NAALAD2: variants seen among roughly 807,000 people sequenced by gnomAD.
The protein encoded by NAALAD2 is N-acetylated-alpha-linked acidic dipeptidase 2.
NAALAD2 carries 89 observed loss-of-function variants against 95.6 expected under a neutral mutation model. That is an observed-to-expected ratio of 0.93 (90% confidence interval 0.78 to 1.11). The LOEUF is 1.11. NAALAD2 is among the 50% of genes least tolerant of loss of function. The pLI, the probability that NAALAD2 is intolerant of heterozygous loss-of-function variation, is 0.00. For synonymous variants in NAALAD2, 264 were observed against 294.4 expected, an observed-to-expected ratio of 0.90 and a Z score of 1.06; for missense variants, 894 against 872.4, an observed-to-expected ratio of 1.02 and a Z score of -0.31.
chr11:90,178,468 G>A (rs1310373334), intron 16 of NAALAD2, among the ~76,000 whole-genome samples: 2 of 152,006 alleles, frequency 1.3e-5, no homozygotes, highest in Non-Finnish European at 2.9e-5. Context: ...TCAGGAGATC[G>A]AGACCATTCT....
At chr11:90,162,222 G>GT (rs1177403862) in intron 8 of NAALAD2, among the ~76,000 whole-genome samples, 2 of 152,066 alleles carry the variant, frequency 1.3e-5, no homozygotes, top group Non-Finnish European at 2.9e-5. Context: ...GTGATACTTT[G>GT]TTTTTTCTGT....
chr11:90,134,845 G>A lies in NAALAD2; in HGVS notation c.82+5G>A, dbSNP rs868735465. The A allele has an allele frequency of 2.5e-6, 4 of 1,613,950 alleles. No individual in the cohort carries two copies. Among genetic ancestry groups the A allele is most frequent in the Middle Eastern group, 1.7e-4 (1 of 6,058 alleles). ...TCCTGATGGGATTTATGGTGGGTAA[G>A]TGAACAAAACACTCTACCCCGACTC... is the stretch of plus-strand genomic sequence containing the variant. On this transcript the variant is annotated splice_donor_5th_base_variant and intron_variant, in intron 1 of 18. Transcript: ENST00000534061.
At chr11:90,165,206 C>T (rs1952406269) in intron 11 of NAALAD2, among the ~76,000 whole-genome samples, 1 of 152,146 alleles carries the variant, frequency 6.6e-6, no homozygotes, top group Non-Finnish European at 1.5e-5. Context: ...ACATTTTCTT[C>T]ATCAAGTCTG....
chr11:90,181,872 T>C (rs1456959101), intron 17 of NAALAD2, among the ~76,000 whole-genome samples, 171 bp downstream of exon 17: 1 of 151,952 alleles, frequency 6.6e-6, no homozygotes, highest in Admixed American at 6.6e-5. Context: ...AGGCAAAATA[T>C]CAGACACCAA....
rs534407233 is a variant in NAALAD2, at chr11:90,158,723, C to T, written c.890+485C>T. ...ATCATATGAGTAAAATACATAGCACCGTATTTAGAATATAGTAAACAAACA... is the reference window on the plus strand; with the variant it reads ...ATCATATGAGTAAAATACATAGCACTGTATTTAGAATATAGTAAACAAACA... On this transcript the variant is annotated intron_variant, in intron 7 of 18. Transcript: ENST00000534061. The T allele has an allele frequency of 2.4e-5, 4 of 169,848 alleles. No individual in the cohort carries two copies. In the East Asian group the frequency reaches 5.4e-4, roughly 23 times the overall value. The allele number at this position is 169,848 out of a possible 1,614,324, so 10.5% of individuals were successfully genotyped here.
Position 90,178,060 on chromosome 11 carries a change from A to T in NAALAD2, c.1801A>T (p.Ile601Phe). 1 of 1,613,714 alleles carries T rather than the reference A, an allele frequency of 6.2e-7. No individual in the cohort carries two copies. The highest frequency in any genetic ancestry group is 8.5e-7 in the Non-Finnish European group (1 of 1,179,842). The change falls in exon 16 of 19, where the codon ATC becomes TTC. Residue 601 changes from isoleucine (I) to phenylalanine (F), a missense_variant. Coordinates refer to ENST00000534061, the MANE Select transcript of NAALAD2 (RefSeq NM_005467.4). The stretch of plus-strand genomic sequence containing the variant: ...AGCTTTGAAAAACTATGCAGCAAGT[A>T]TCTATAATCTATCTAAGAAACATGA... ...AEALKNYAAS[I>F]YNLSKKHDQQ...
At chr11:90,149,338 C>G (rs1387586979) in intron 4 of NAALAD2, among the ~76,000 whole-genome samples, 2 of 152,178 alleles carry the variant, frequency 1.3e-5, no homozygotes, top group African/African-American at 4.8e-5. Flanking sequence ...AAAACTGACC[C>G]TGCTGAAGCA....
In NAALAD2 at chr11:90,189,787, T is replaced by C. The variant is rs1382684028; in HGVS notation, c.2034-1771T>C. Among the ~76,000 whole-genome samples the C allele has an allele frequency of 4.0e-5, 6 of 151,576 alleles. No individual in the cohort carries two copies. In the South Asian group the frequency reaches 1.3e-3, roughly 32 times the overall value. ...TCTATCTCAAAAAAAAAAAAGAAAT[T>C]TTGCATTATCACAACTCATCAGTGA... On this transcript the variant is annotated intron_variant, in intron 18 of 18. Coordinates refer to ENST00000534061, the MANE Select transcript of NAALAD2 (RefSeq NM_005467.4).
chr11:90,158,995 G>C (rs1327628006), intron 7 of NAALAD2: 2 of 414,174 alleles, frequency 4.8e-6, no homozygotes, highest in East Asian at 1.0e-4. Flanking sequence ...CATTTGCCAT[G>C]ACTACTTTAT....
chr11:90,150,737 CA>C, intron 5 of NAALAD2, 130 bp downstream of exon 5: 1 of 698,154 alleles, frequency 1.4e-6, no homozygotes, highest in Non-Finnish European at 2.0e-6. Context: ...TCCTATTTGC[CA>C]TGGGTACACG....
intron 2 of NAALAD2, among the ~76,000 whole-genome samples, chr11:90,138,725 C>CTTTTTTTTTTTTTTT (rs562496549): frequency 6.5e-5 from 4 of 61,530 alleles, no homozygotes; most frequent in East Asian, 5.1e-4. Flanking sequence ...CATCCCTCAA[C>CTTTTTTTTTTTTTTT]TTTTTTTTTT....
rs187496067 is a variant in NAALAD2 at position 90,179,449 on chromosome 11, T to C, written c.1858+1332T>C. Among the ~76,000 whole-genome samples, 312 of 152,212 alleles carry C rather than the reference T, an allele frequency of 2.0e-3. 3 individuals are homozygous for C. The highest frequency in any genetic ancestry group is 6.9e-3 in the African/African-American group (288 of 41,536). On this transcript the variant is annotated intron_variant, in intron 16 of 18. Coordinates refer to ENST00000534061, the MANE Select transcript of NAALAD2 (RefSeq NM_005467.4). Reference sequence around the variant, plus strand: ...ACAGAAAATGGGTATGGAATAGTAATGACTTCTGAATATTATTATATAAAG... The same window carrying C: ...ACAGAAAATGGGTATGGAATAGTAACGACTTCTGAATATTATTATATAAAG...
In NAALAD2 at chr11:90,165,447, G is replaced by A. The variant is rs147697129; in HGVS notation, c.1278+1830G>A. ...TTATAAGTCCAGATTTTATAGAGCT[G>A]TTTTAAAATATGGCAAACCTGTCTT... On this transcript the variant is annotated intron_variant, in intron 11 of 18. Transcript: ENST00000534061. Among the ~76,000 whole-genome samples, 45 of 152,250 alleles carry A rather than the reference G, an allele frequency of 3.0e-4. No individual in the cohort carries two copies. In the East Asian group the frequency reaches 8.7e-3, roughly 29 times the overall value.
chr11:90,162,373 G>A (rs1235295535), intron 8 of NAALAD2: 3 of 152,038 alleles, frequency 2.0e-5, no homozygotes, highest in African/African-American at 7.2e-5. Flanking sequence ...ATTGTAGCAG[G>A]AGCTTCCCAA....
chr11:90,169,113 A>G, intron 12 of NAALAD2, 121 bp downstream of exon 12: 1 of 595,402 alleles, frequency 1.7e-6, no homozygotes, highest in Non-Finnish European at 2.9e-6. Context: ...TAAGCACCTC[A>G]GATATCCCCT....
rs769761509 is a variant in NAALAD2, at chr11:90,170,145, G to A, written c.1410+9G>A. 3 of 1,514,794 alleles carry A rather than the reference G, an allele frequency of 2.0e-6. No individual in the cohort carries two copies. The highest frequency in any genetic ancestry group is 1.1e-5 in the South Asian group (1 of 88,826). The allele number at this position is 1,514,794 out of a possible 1,614,324, so 93.8% of individuals were successfully genotyped here. A position where few individuals can be genotyped will look rare whatever the true frequency, so the allele number is the denominator to read the frequency against. On this transcript the variant is annotated intron_variant, in intron 13 of 18. Transcript: ENST00000534061. ...ATAAACTGACAAAAGAGGTATATAA[G>A]GAAATGTGTCTTCATATGTTCTCTT...
chr11:90,147,378 G>C lies in NAALAD2; in HGVS notation c.243G>C (p.Leu81Phe), dbSNP rs1590965694. 6.2e-7 allele frequency: 1 copy of C among 1,613,906 alleles called. No individual in the cohort carries two copies. Among genetic ancestry groups the C allele is most frequent in the Middle Eastern group, 1.7e-4 (1 of 6,060 alleles). ...TGGCAGGAACAGAACAAAATTTCTTGCTTGCCAAGAAAATCCAAACCCAGT... is the reference window on the plus strand; with the variant it reads ...TGGCAGGAACAGAACAAAATTTCTTCCTTGCCAAGAAAATCCAAACCCAGT... ...PHLAGTEQNF[L>F]LAKKIQTQWK... is the part of the protein sequence containing the mutation. The change falls in exon 3 of 19, where the codon TTG (leucine) becomes TTC (phenylalanine). Residue 81 changes from leucine (L) to phenylalanine (F), a missense_variant. Physicochemically the swap from Leu to Phe is conservative, Grantham distance 22. Coordinates refer to ENST00000534061, the MANE Select transcript of NAALAD2 (RefSeq NM_005467.4).
chr11:90,191,523 C>G, intron 18 of NAALAD2, 35 bp from the exon 19 acceptor site: 5 of 1,479,280 alleles, frequency 3.4e-6, no homozygotes, highest in Non-Finnish European at 4.5e-6. Context: ...CATGTATACA[C>G]TTTAGTTCAA....
intron 11 of NAALAD2, among the ~76,000 whole-genome samples, chr11:90,167,470 C>G (rs1027391224): frequency 6.6e-6 from 1 of 152,200 alleles, no homozygotes; most frequent in African/African-American, 2.4e-5. Flanking sequence ...CGACGAGCAC[C>G]GCTTCCTGCT....
Sources: allele counts gnomAD v4.1 joint callset (sites outside exome capture counted in the v4.1 genomes callset), GRCh38; gene constraint gnomAD v4.1.1; transcripts MANE v1.5; gene names NCBI Gene and HGNC (gene_info 2026-07-23, HGNC 2026-07-21).